Variants in MACROH2A1 observed in about 807,000 individuals in gnomAD.
MACROH2A1 encodes the protein core histone macro-H2A.1.
A neutral mutation model predicts 31.6 loss-of-function variants in MACROH2A1; 2 were observed. The ratio of observed to expected loss-of-function variants is 0.06; its 90% CI spans 0.03 to 0.20. MACROH2A1 has a LOEUF of 0.20. MACROH2A1 is among the 10% of genes least tolerant of loss of function. MACROH2A1 has a pLI of 1.00. For missense variants in MACROH2A1, 230 were observed against 474.0 expected, an observed-to-expected ratio of 0.49 and a Z score of 4.78; for synonymous variants, 169 against 189.6, an observed-to-expected ratio of 0.89 and a Z score of 0.89.
chr5:135,393,086 C>T (rs112762098), intron 1 of MACROH2A1, among the ~76,000 whole-genome samples: 3,650 of 152,290 alleles, frequency 0.024, 171 homozygotes, highest in African/African-American at 0.083. Context: ...ACTTATTTCT[C>T]ACTCCCGAAA....
At chr5:135,389,258 C>T (rs978306802) in intron 1 of MACROH2A1, 132 bp from the exon 2 acceptor site, 6 of 515,776 alleles carry the variant, frequency 1.2e-5, no homozygotes, top group African/African-American at 3.8e-5. Flanking sequence ...CAGGGCCCTC[C>T]GGGTCCAGGT....
rs1242779336 is a variant in MACROH2A1 at position 135,389,028 on chromosome 5, G to A, written c.66C>T (p.Ile22=). The A allele has an allele frequency of 5.6e-6, 9 of 1,614,086 alleles. No homozygotes were observed. The highest frequency in any genetic ancestry group is 3.3e-5 in the Admixed American group (2 of 60,030). The change falls in exon 2 of 9, where the codon ATC becomes ATT. Residue 22 remains isoleucine (I), a synonymous_variant. Coordinates refer to ENST00000511689, the MANE Select transcript of MACROH2A1 (RefSeq NM_138610.3). ...ACCGCAGCATCCGCCCCACGGGAAAGATGACTCCTGCTTTGGCAGACCTGG... is the reference window on the plus strand; with the variant it reads ...ACCGCAGCATCCGCCCCACGGGAAAAATGACTCCTGCTTTGGCAGACCTGG... ...KTSRSAKAGV[I]FPVGRMLRYI... is the part of the protein sequence containing the mutation.
chr5:135,382,511 A>G (rs948844141), intron 2 of MACROH2A1, among the ~76,000 whole-genome samples: 4 of 152,246 alleles, frequency 2.6e-5, no homozygotes, highest in Non-Finnish European at 4.4e-5. Flanking sequence ...AATGGATCAT[A>G]GACCTAAATG....
chr5:135,356,976 T>G (rs1011882909), intron 5 of MACROH2A1: 2 of 152,248 alleles, frequency 1.3e-5, no homozygotes, highest in Non-Finnish European at 2.9e-5. Flanking sequence ...GTTATTTTCC[T>G]GTCCCCAAAG....
At chr5:135,367,300 C>G (rs2149833082) in intron 4 of MACROH2A1, among the ~76,000 whole-genome samples, 1 of 152,228 alleles carries the variant, frequency 6.6e-6, no homozygotes, top group African/African-American at 2.4e-5. Flanking sequence ...TAATGTTAGC[C>G]AAATACTGGT....
chr5:135,373,076 C>T (rs996714795), intron 2 of MACROH2A1, among the ~76,000 whole-genome samples: 1 of 152,168 alleles, frequency 6.6e-6, no homozygotes, highest in Non-Finnish European at 1.5e-5. Context: ...AGTCCTAAGC[C>T]CAACCCTTTG....
intron 6 of MACROH2A1, chr5:135,351,604 C>G: frequency 9.2e-6 from 1 of 108,354 alleles, no homozygotes; most frequent in East Asian, 3.0e-4. Context: ...TTGCTGTTGC[C>G]TAGGCTGGAG....
At chr5:135,396,264 G>C (rs1346740462) in intron 1 of MACROH2A1, among the ~76,000 whole-genome samples, 3 of 152,200 alleles carry the variant, frequency 2.0e-5, no homozygotes, top group African/African-American at 7.2e-5. Flanking sequence ...GGCTTCACAG[G>C]ACAGGACTCT....
intron 5 of MACROH2A1, chr5:135,357,324 G>A (rs116404589): frequency 4.6e-5 from 7 of 152,264 alleles, no homozygotes; most frequent in African/African-American, 1.2e-4. Flanking sequence ...CAGCCATAGT[G>A]GGGGGAAGGG....
rs191346009 is a variant in MACROH2A1 at position 135,351,855 on chromosome 5, A to C, written c.688+1091T>G. On this transcript the variant is annotated intron_variant, in intron 6 of 8. Coordinates refer to ENST00000511689, the MANE Select transcript of MACROH2A1 (RefSeq NM_138610.3). Reference sequence around the variant, plus strand: ...TGGAGTTACAGGTGTGAGCCACTGCACCTGGCCTTTGTATTTTAGTATAAA... The same window carrying C: ...TGGAGTTACAGGTGTGAGCCACTGCCCCTGGCCTTTGTATTTTAGTATAAA... Among the ~76,000 whole-genome samples the C allele has an allele frequency of 3.3e-3, 502 of 151,226 alleles. 4 individuals are homozygous for C. Among genetic ancestry groups the C allele is most frequent in the African/African-American group, 0.012 (485 of 41,232 alleles).
chr5:135,387,780 C>A (rs1766619404), intron 2 of MACROH2A1, among the ~76,000 whole-genome samples: 1 of 152,086 alleles, frequency 6.6e-6, no homozygotes, highest in African/African-American at 2.4e-5. Context: ...TGTGAAACCA[C>A]AAATAAGATT....
intron 5 of MACROH2A1, chr5:135,354,903 G>A (rs1162165199): frequency 8.1e-6 from 3 of 369,018 alleles, no homozygotes; most frequent in African/African-American, 6.4e-5. Flanking sequence ...CAGGAGGTTG[G>A]TGAGGAAGGC....
chr5:135,350,789 C>A, intron 6 of MACROH2A1: 1 of 1,352,148 alleles, frequency 7.4e-7, no homozygotes, highest in Non-Finnish European at 1.1e-6. Flanking sequence ...TGACCATGCA[C>A]ACACACACTC....
intron 5 of MACROH2A1, chr5:135,358,904 T>C: frequency 2.0e-6 from 2 of 985,388 alleles, no homozygotes; most frequent in Non-Finnish European, 1.2e-6. Context: ...GACATGTTCC[T>C]GGCTCTTGGG....
At chr5:135,362,700 C>T (rs915928313) in intron 4 of MACROH2A1, 1 of 152,148 alleles carries the variant, frequency 6.6e-6, no homozygotes, top group Non-Finnish European at 1.5e-5. Context: ...ATTTGTAATG[C>T]ATTTGTCAGT....
intron 2 of MACROH2A1, among the ~76,000 whole-genome samples, chr5:135,383,503 A>G (rs535099366): frequency 3.3e-5 from 5 of 152,326 alleles, no homozygotes; most frequent in African/African-American, 1.2e-4. Context: ...GCACTTAAAT[A>G]TAGTCTGCAC....
At chr5:135,379,920 A>G (rs1765424752) in intron 2 of MACROH2A1, among the ~76,000 whole-genome samples, 1 of 152,094 alleles carries the variant, frequency 6.6e-6, no homozygotes, top group Admixed American at 6.5e-5. Context: ...TTTGGCAGAC[A>G]TGAGGATCAG....
At position 135,371,212 on chromosome 5, in the gene MACROH2A1, G is replaced by A. The variant is rs114363396; in HGVS notation, c.173-1070C>T. 4.5e-3 allele frequency among the ~76,000 whole-genome samples: 680 copies of A among 152,260 alleles called. 6 individuals are homozygous for A. Among genetic ancestry groups the A allele is most frequent in the African/African-American group, 0.016 (650 of 41,556 alleles). Reference sequence around the variant, plus strand: ...TGTGGAATCAGGGACTGGGGGTGGGGTCGGGGCGAATGTTGGTCAAAGGAC... The same window carrying A: ...TGTGGAATCAGGGACTGGGGGTGGGATCGGGGCGAATGTTGGTCAAAGGAC... On this transcript the variant is annotated intron_variant, in intron 2 of 8. Coordinates refer to ENST00000511689, the MANE Select transcript of MACROH2A1 (RefSeq NM_138610.3).
chr5:135,393,312 G>C (rs1192197470), intron 1 of MACROH2A1, among the ~76,000 whole-genome samples: 1 of 152,206 alleles, frequency 6.6e-6, no homozygotes, highest in Non-Finnish European at 1.5e-5. Flanking sequence ...CCATCAACTA[G>C]AACTTAGTCA....
Sources: gnomAD v4.1 joint callset for allele counts (sites outside exome capture counted in the v4.1 genomes callset) on GRCh38, gnomAD v4.1.1 for gene constraint, MANE v1.5 for transcripts, NCBI Gene and HGNC (gene_info 2026-07-23, HGNC 2026-07-21) for gene names.